The following ZNF92 variants were observed in gnomAD, a reference collection of about 807,000 sequenced individuals.
The protein encoded by ZNF92 is zinc finger protein 92, also known as epididymis luminal protein 203.
ZNF92 carries 11 observed loss-of-function variants against 12.4 expected under a neutral mutation model. That is an observed-to-expected ratio of 0.89 (90% CI 0.56 to 1.47). ZNF92 has a LOEUF of 1.47. Among genes scored for constraint, ZNF92 ranks in the 40% most tolerant of loss-of-function variants. The pLI is 0.00. For synonymous variants in ZNF92, 206 were observed against 228.6 expected, an observed-to-expected ratio of 0.90 and a Z score of 0.89; for missense variants, 622 against 681.0, an observed-to-expected ratio of 0.91 and a Z score of 0.96.
chr7:65,388,203 C>T, intron 2 of ZNF92, 175 bp downstream of exon 2: 1 of 546,628 alleles, frequency 1.8e-6, no homozygotes, highest in African/African-American at 2.0e-5. Flanking sequence ...TCATTTTGAC[C>T]TGAACTCTCC....
At chr7:65,385,506 C>G (rs1793538660) in intron 1 of ZNF92, among the ~76,000 whole-genome samples, 1 of 152,028 alleles carries the variant, frequency 6.6e-6, no homozygotes, top group Non-Finnish European at 1.5e-5. Flanking sequence ...GTCACAAGGC[C>G]TGTTTTCTTT....
At chr7:65,389,000 T>A in intron 3 of ZNF92, 99 bp downstream of exon 3, 1 of 1,095,950 alleles carries the variant, frequency 9.1e-7, no homozygotes, top group Non-Finnish European at 1.3e-6. Flanking sequence ...GACCTTGTTG[T>A]CCAGGCTGGA....
chr7:65,383,448 G>C (rs1793478103), intron 1 of ZNF92, among the ~76,000 whole-genome samples: 1 of 152,096 alleles, frequency 6.6e-6, no homozygotes, highest in Non-Finnish European at 1.5e-5. Flanking sequence ...AAAACCAAGA[G>C]GAGGCATTCT....
chr7:65,398,787 G>C lies in ZNF92; in HGVS notation c.673G>C (p.Gly225Arg). 2 of 1,612,302 alleles carry C rather than the reference G, an allele frequency of 1.2e-6. No homozygotes were observed. The highest frequency in any genetic ancestry group is 1.7e-6 in the Non-Finnish European group (2 of 1,179,528). ...TLTKHKIIHTGEKPYKCEECG... is the reference protein window; with the variant it reads ...TLTKHKIIHTREKPYKCEECG... ...TACTAAACATAAGATAATTCATACTGGAGAAAAACCCTACAAATGTGAAGA... is the reference window on the plus strand; with the variant it reads ...TACTAAACATAAGATAATTCATACTCGAGAAAAACCCTACAAATGTGAAGA... Residue 225 changes from glycine (G) to arginine (R), a missense_variant, in exon 4 of 4, where the codon GGA (glycine) becomes CGA (arginine). Gly to Arg is a moderately radical substitution (Grantham distance 125, BLOSUM62 -2). Coordinates refer to ENST00000328747, the MANE Select transcript of ZNF92 (RefSeq NM_152626.4).
Position 65,398,943 on chromosome 7 carries a change from A to G in ZNF92, c.829A>G (p.Arg277Gly), listed in dbSNP as rs565159074. The G allele has an allele frequency of 6.2e-7, 1 of 1,613,538 alleles. No individual in the cohort carries two copies. The highest frequency in any genetic ancestry group is 1.7e-5 in the Admixed American group (1 of 60,006). Residue 277 changes from arginine to glycine, a missense_variant, in exon 4 of 4, where the codon AGA (arginine) becomes GGA (glycine). By Grantham distance (125) the Arg-to-Gly change is moderately radical (BLOSUM62 -2). Coordinates refer to ENST00000328747, the MANE Select transcript of ZNF92 (RefSeq NM_152626.4). ...GTCCTCAACCCTTACTAAACATAAA[A>G]GAATTCATACAGAAGAGAAACCCTA... Reference protein sequence around the residue: ...NRSSTLTKHKRIHTEEKPYKC... With the variant: ...NRSSTLTKHKGIHTEEKPYKC...
Position 65,373,960 on chromosome 7 carries a change from T to C in ZNF92, c.-38T>C. The C allele has an allele frequency of 1.2e-6, 2 of 1,614,044 alleles. No homozygotes were observed. The highest frequency in any genetic ancestry group is 1.7e-6 in the Non-Finnish European group (2 of 1,179,948). ...CTGTTACCTGCAAGAACTTGGAGGT[T>C]CACAGCTAAGACGCCAGGACCCCCT... On this transcript the variant is annotated 5_prime_UTR_variant, in exon 1 of 4. Coordinates refer to ENST00000328747, the MANE Select transcript of ZNF92 (RefSeq NM_152626.4).
At chr7:65,379,799 C>T (rs1241151858) in intron 1 of ZNF92, among the ~76,000 whole-genome samples, 1 of 152,140 alleles carries the variant, frequency 6.6e-6, no homozygotes, top group East Asian at 1.9e-4. Flanking sequence ...GAGAGGACAG[C>T]CCCACGCCAC....
At position 65,400,705 on chromosome 7, in the gene ZNF92, C is replaced by G. The variant is rs973292737; in HGVS notation, c.*830C>G. The G allele has an allele frequency of 6.6e-6, 1 of 151,686 alleles. No individual in the cohort carries two copies. Among genetic ancestry groups the G allele is most frequent in the Non-Finnish European group, 1.5e-5 (1 of 67,804 alleles). 9.4% of individuals were successfully genotyped at this position (151,686 alleles called of 1,614,324 possible). On this transcript the variant is annotated 3_prime_UTR_variant, in exon 4 of 4. Transcript: ENST00000328747. ...AATTACATTCAAAGTATACTTTTTT[C>G]TTGAAAAAAATTACAGATTTTTTGA...
At chr7:65,397,987 C>CT (rs1311624966) in intron 3 of ZNF92, among the ~76,000 whole-genome samples, 1 of 152,052 alleles carries the variant, frequency 6.6e-6, no homozygotes, top group African/African-American at 2.4e-5. Flanking sequence ...TTTTTCTTGT[C>CT]TTTTAAAAAG....
At position 65,399,043 on chromosome 7, in the gene ZNF92, A is replaced by G. The variant is rs1225556428; in HGVS notation, c.929A>G (p.Asp310Gly). Residue 310 changes from aspartate (D) to glycine (G), a missense_variant, in exon 4 of 4, where the codon GAT becomes GGT. Physicochemically the swap from Asp to Gly is moderately conservative, Grantham distance 94 (BLOSUM62 -1). Transcript: ENST00000328747. The stretch of plus-strand genomic sequence containing the variant: ...AAACATAAGAGAATTCATATGGAAG[A>G]TAAACCCTACAAATGTGAAGAATGT... ...LNKHKRIHME[D>G]KPYKCEECGK... is the part of the protein sequence containing the mutation. The G allele has an allele frequency of 6.2e-7, 1 of 1,613,444 alleles. No homozygotes were observed. Among genetic ancestry groups the G allele is most frequent in the Non-Finnish European group, 8.5e-7 (1 of 1,179,714 alleles).
At chr7:65,378,636 G>C (rs1793318194) in intron 1 of ZNF92, among the ~76,000 whole-genome samples, 1 of 151,916 alleles carries the variant, frequency 6.6e-6, no homozygotes, top group Admixed American at 6.6e-5. Flanking sequence ...CAGCTATTCG[G>C]GAGGCTGAGG....
Position 65,394,477 on chromosome 7 carries a change from G to A in ZNF92, c.227-3864G>A, listed in dbSNP as rs182831898. Among the ~76,000 whole-genome samples, 277 of 152,108 alleles carry A rather than the reference G, an allele frequency of 1.8e-3. 2 individuals carry two copies. Among genetic ancestry groups the A allele is most frequent in the African/African-American group, 6.5e-3 (270 of 41,494 alleles). ...TTTTAATATGTTGTGAAATCAGGAA[G>A]TATAATGGCTGTTTGTTCTTTTTCA... On this transcript the variant is annotated intron_variant, in intron 3 of 3. Coordinates refer to ENST00000328747, the MANE Select transcript of ZNF92 (RefSeq NM_152626.4).
chr7:65,387,567 G>A (rs911355488), intron 1 of ZNF92, among the ~76,000 whole-genome samples: 12 of 151,958 alleles, frequency 7.9e-5, no homozygotes, highest in Admixed American at 7.9e-4. Context: ...AATTTGAGAG[G>A]TCACTTCTAA....
intron 1 of ZNF92, among the ~76,000 whole-genome samples, chr7:65,376,391 T>A (rs75370073): frequency 0.012 from 1,824 of 152,216 alleles, 46 homozygotes; most frequent in African/African-American, 0.04. Context: ...TTCCATTTGC[T>A]AAAAATTCTT....
In ZNF92 at chr7:65,375,534, T is replaced by C. The variant is rs111726317; in HGVS notation, c.3+1534T>C. 9.7e-3 allele frequency among the ~76,000 whole-genome samples: 1,474 copies of C among 152,082 alleles called. 26 individuals carry two copies. The highest frequency in any genetic ancestry group is 0.034 in the African/African-American group (1,399 of 41,470). ...AAACATTGCTGGTCAGCCAATCAGA[T>C]GCTGGTACTGGGAGGAAAACACCAA... On this transcript the variant is annotated intron_variant, in intron 1 of 3. Transcript: ENST00000328747.
intron 3 of ZNF92, among the ~76,000 whole-genome samples, chr7:65,394,250 A>G (rs996077041): frequency 2.0e-5 from 3 of 152,112 alleles, no homozygotes; most frequent in Non-Finnish European, 4.4e-5. Flanking sequence ...GGTTCAAGGA[A>G]AGGATCAAAC....
Position 65,401,046 on chromosome 7 carries a change from G to A in ZNF92, c.*1171G>A, listed in dbSNP as rs897251420. 6.6e-6 allele frequency: 1 copy of A among 151,996 alleles called. No individual in the cohort carries two copies. The highest frequency in any genetic ancestry group is 1.5e-5 in the Non-Finnish European group (1 of 67,930). The allele number at this position is 151,996 out of a possible 1,614,324, so 9.4% of individuals were successfully genotyped here. A position where few individuals can be genotyped will look rare whatever the true frequency, so the allele number is the denominator to read the frequency against. On this transcript the variant is annotated 3_prime_UTR_variant, in exon 4 of 4. Coordinates refer to ENST00000328747, the MANE Select transcript of ZNF92 (RefSeq NM_152626.4). The stretch of plus-strand genomic sequence containing the variant: ...AAAATTAATTATCATTTTGTTGATT[G>A]TGCTTTTATGTAATAAAATGCAGTA...
At chr7:65,389,425 T>C (rs1276581768) in intron 3 of ZNF92, among the ~76,000 whole-genome samples, 1 of 152,154 alleles carries the variant, frequency 6.6e-6, no homozygotes, top group Non-Finnish European at 1.5e-5. Flanking sequence ...GTCCTTTTCA[T>C]GGGAGGAAGA....
chr7:65,395,452 T>G (rs1314286260), intron 3 of ZNF92, among the ~76,000 whole-genome samples: 2 of 152,140 alleles, frequency 1.3e-5, no homozygotes, highest in Non-Finnish European at 2.9e-5. Flanking sequence ...CTAGAAAGTT[T>G]TGTACATGTC....
Sources: allele counts gnomAD v4.1 joint callset (sites outside exome capture counted in the v4.1 genomes callset), GRCh38; gene constraint gnomAD v4.1.1; transcripts MANE v1.5; gene names NCBI Gene and HGNC (gene_info 2026-07-23, HGNC 2026-07-21).